Variants in ERC2 observed in about 807,000 individuals in gnomAD.
ERC2 encodes the protein ELKS/RAB6-interacting/CAST family member 2.
Under a neutral mutation model 114.8 loss-of-function variants are expected in ERC2, and 42 were observed. The ratio of observed to expected loss-of-function variants is 0.37; its 90% confidence interval spans 0.29 to 0.47. The LOEUF (loss-of-function observed/expected upper bound fraction) is 0.47. Ranked by LOEUF, ERC2 falls within the 20% of genes least tolerant of loss-of-function variation. The probability of loss-of-function intolerance (pLI) is 0.99; values close to 1 mark genes in which losing one functional copy is unlikely to be tolerated. For synonymous variants in ERC2, 454 were observed against 425.5 expected (o/e 1.07, Z -0.82); for missense variants, 939 against 1,150.7 (o/e 0.82, Z 2.66).
intron 10 of ERC2, among the ~76,000 whole-genome samples, chr3:55,998,083 A>C (rs2071737989): frequency 6.6e-6 from 1 of 151,366 alleles, no homozygotes. Context: ...TCTTAGTTCT[A>C]AAGGAAATTA....
At chr3:56,369,516 TCAA>T (rs2059280705) in intron 2 of ERC2, among the ~76,000 whole-genome samples, 1 of 152,238 alleles carries the variant, frequency 6.6e-6, no homozygotes, top group Non-Finnish European at 1.5e-5. Flanking sequence ...ACATTTGAAT[TCAA>T]CACATTTCCT....
At chr3:56,180,899 C>T (rs894555803) in intron 3 of ERC2, among the ~76,000 whole-genome samples, 1 of 152,182 alleles carries the variant, frequency 6.6e-6, no homozygotes, top group African/African-American at 2.4e-5. Flanking sequence ...GGAGAGTAAC[C>T]ATCATCTTGA....
chr3:55,640,520 T>C (rs2060132808), intron 17 of ERC2, among the ~76,000 whole-genome samples: 1 of 152,188 alleles, frequency 6.6e-6, no homozygotes, highest in Non-Finnish European at 1.5e-5. Context: ...GTGACCTGGT[T>C]CTGAGATGGA....
intron 3 of ERC2, among the ~76,000 whole-genome samples, chr3:56,268,325 T>C (rs1199113357): frequency 1.3e-5 from 2 of 152,224 alleles, no homozygotes; most frequent in East Asian, 1.9e-4. Flanking sequence ...AAGTATACTC[T>C]ACAATGTTCA....
intron 14 of ERC2, among the ~76,000 whole-genome samples, chr3:55,845,962 A>C (rs2061345473): frequency 6.6e-6 from 1 of 152,262 alleles, no homozygotes; most frequent in Non-Finnish European, 1.5e-5. Context: ...TCTGAGTTGG[A>C]AATGACTTCT....
intron 14 of ERC2, among the ~76,000 whole-genome samples, chr3:55,826,451 T>A (rs1331755614): frequency 6.6e-6 from 1 of 152,212 alleles, no homozygotes; most frequent in Non-Finnish European, 1.5e-5. Context: ...ATGAAGTAAC[T>A]TCCCTAAGCC....
intron 14 of ERC2, among the ~76,000 whole-genome samples, chr3:55,800,564 T>A (rs2149099757): frequency 6.6e-6 from 1 of 152,198 alleles, no homozygotes; most frequent in South Asian, 2.1e-4. Flanking sequence ...AAACTGACAT[T>A]ATCTCACAAT....
chr3:56,468,303 C>A lies in ERC2; in HGVS notation c.-196G>T, dbSNP rs1438710726. The A allele has an allele frequency of 6.6e-6, 1 of 152,224 alleles. No homozygotes were observed. The highest frequency in any genetic ancestry group is 1.5e-5 in the Non-Finnish European group (1 of 68,172). The allele number at this position is 152,224 out of a possible 1,614,324, so 9.4% of individuals were successfully genotyped here. A position where few individuals can be genotyped will look rare whatever the true frequency, so the allele number is the denominator to read the frequency against. ...CATGGATTTTTACAACCTCTCGTCG[C>A]CTTGGCCCCGGGCGGCCAGGAGGAG... On this transcript the variant is annotated 5_prime_UTR_variant, in exon 1 of 18. Transcript: ENST00000288221.
intron 1 of ERC2, among the ~76,000 whole-genome samples, chr3:56,454,041 T>C (rs2062945481): frequency 6.6e-6 from 1 of 152,218 alleles, no homozygotes; most frequent in African/African-American, 2.4e-5. Flanking sequence ...TTCCATCTTA[T>C]AATGGCTGTG....
chr3:56,106,138 TTTC>T (rs1437785389), intron 6 of ERC2, among the ~76,000 whole-genome samples: 1 of 152,182 alleles, frequency 6.6e-6, no homozygotes, highest in East Asian at 1.9e-4. Flanking sequence ...AGGTGTCTAG[TTTC>T]TTAATAAAGT....
chr3:55,650,241 T>G (rs1262347463), intron 17 of ERC2, among the ~76,000 whole-genome samples: 3 of 152,158 alleles, frequency 2.0e-5, no homozygotes, highest in African/African-American at 7.2e-5. Context: ...CATAGAGCGT[T>G]CCCTGCAAAA....
chr3:55,817,532 A>G (rs1388767711), intron 14 of ERC2, among the ~76,000 whole-genome samples: 1 of 152,200 alleles, frequency 6.6e-6, no homozygotes, highest in Non-Finnish European at 1.5e-5. Flanking sequence ...CGATATTTAT[A>G]TTGTCATAAG....
At chr3:55,537,905 C>G (rs1247198945) in intron 17 of ERC2, among the ~76,000 whole-genome samples, 1 of 152,182 alleles carries the variant, frequency 6.6e-6, no homozygotes, top group African/African-American at 2.4e-5. Context: ...GTGCCTATTA[C>G]TCTATTAGAA....
rs185550487 is a variant in ERC2 at position 56,094,492 on chromosome 3, A to G, written c.1474-13508T>C. 1.6e-4 allele frequency among the ~76,000 whole-genome samples: 24 copies of G among 152,340 alleles called. No homozygotes were observed. In the East Asian group the frequency reaches 4.4e-3, roughly 28 times the overall value. On this transcript the variant is annotated intron_variant, in intron 6 of 17. Transcript: ENST00000288221. The stretch of plus-strand genomic sequence containing the variant: ...CCCTAGGTTCATTTCTGGCTCTGCT[A>G]GGACCTGGGGATGGGACCTTGGGGG...
intron 7 of ERC2, among the ~76,000 whole-genome samples, chr3:56,053,280 C>G (rs2075855248): frequency 6.6e-6 from 1 of 152,040 alleles, no homozygotes; most frequent in African/African-American, 2.4e-5. Flanking sequence ...ACCAGACCCA[C>G]AGGGAAAAGA....
At chr3:55,712,900 C>T (rs1378754440) in intron 15 of ERC2, among the ~76,000 whole-genome samples, 1 of 152,152 alleles carries the variant, frequency 6.6e-6, no homozygotes, top group Non-Finnish European at 1.5e-5. Flanking sequence ...CTACATGCAT[C>T]AAGGCTCCTT....
intron 6 of ERC2, among the ~76,000 whole-genome samples, chr3:56,137,934 A>G (rs2080609500): frequency 6.6e-6 from 1 of 152,188 alleles, no homozygotes. Context: ...CTGCCTCCTC[A>G]AAGGAGATAG....
intron 14 of ERC2, among the ~76,000 whole-genome samples, chr3:55,876,281 G>T (rs1273635326): frequency 2.6e-5 from 4 of 152,056 alleles, no homozygotes; most frequent in South Asian, 2.1e-4. Context: ...TTTTACCAAG[G>T]CAAAGAAAAT....
chr3:56,405,214 C>A (rs552155881), intron 2 of ERC2, among the ~76,000 whole-genome samples: 1 of 152,128 alleles, frequency 6.6e-6, no homozygotes, highest in Non-Finnish European at 1.5e-5. Flanking sequence ...GAGGCTGAGA[C>A]AGGCAGATCA....
Sources: gnomAD v4.1 joint callset for allele counts (sites outside exome capture counted in the v4.1 genomes callset) on GRCh38, gnomAD v4.1.1 for gene constraint, MANE v1.5 for transcripts, NCBI Gene and HGNC (gene_info 2026-07-23, HGNC 2026-07-21) for gene names.